The following SLC35D4 variants were observed in gnomAD, a reference collection of about 807,000 sequenced individuals.
SLC35D4 encodes the protein UDP-N-acetylglucosamine transporter SLC35D4.
At chr18:23,295,047 T>C in the SLC35D4 span, among the ~76,000 whole-genome samples, 1 of 152,044 alleles carries the variant, frequency 6.6e-6, no homozygotes, top group East Asian at 1.9e-4. Context: ...GGAAAAGAAC[T>C]GGTCTCCATT....
chr18:23,243,872 CAAAAAAAA>C, the SLC35D4 span, among the ~76,000 whole-genome samples: 4 of 109,882 alleles, frequency 3.6e-5, no homozygotes, highest in African/African-American at 1.2e-4. Context: ...GACTCCGTTT[CAAAAAAAA>C]AAAAAAAAAA....
chr18:23,332,806 C>A, the SLC35D4 span, among the ~76,000 whole-genome samples: 110 of 151,010 alleles, frequency 7.3e-4, 1 homozygote, highest in East Asian at 6.2e-3. Context: ...TTAAATAATT[C>A]TTGCAACATT....
the SLC35D4 span, among the ~76,000 whole-genome samples, chr18:23,311,918 G>A: frequency 6.6e-6 from 1 of 152,006 alleles, no homozygotes; most frequent in South Asian, 2.1e-4. Context: ...GGCCTGGGAC[G>A]GTGCCAATGG....
chr18:23,420,267 C>G, the SLC35D4 span, among the ~76,000 whole-genome samples: 1 of 152,116 alleles, frequency 6.6e-6, no homozygotes, highest in African/African-American at 2.4e-5. Flanking sequence ...TGCGCCATTG[C>G]ACTCCAGCCT....
the SLC35D4 span, among the ~76,000 whole-genome samples, chr18:23,266,234 G>A: frequency 4.6e-5 from 7 of 152,230 alleles, no homozygotes; most frequent in East Asian, 1.4e-3. Context: ...CAGACCGTGC[G>A]GCCTTATGCA....
chr18:23,383,401 C>A, the SLC35D4 span, among the ~76,000 whole-genome samples: 2 of 91,542 alleles, frequency 2.2e-5, no homozygotes, highest in Non-Finnish European at 4.4e-5. Context: ...GGCATGAAGG[C>A]CACGGGGGCC....
chr18:23,363,653 C>G, the SLC35D4 span, among the ~76,000 whole-genome samples: 1 of 152,122 alleles, frequency 6.6e-6, no homozygotes, highest in African/African-American at 2.4e-5. Context: ...GGATTACAGG[C>G]GTGAGTCACC....
At chr18:23,315,509 G>C in the SLC35D4 span, among the ~76,000 whole-genome samples, 1 of 152,198 alleles carries the variant, frequency 6.6e-6, no homozygotes, top group South Asian at 2.1e-4. Context: ...ACGTTCAGGG[G>C]CTAGCAATAG....
chr18:23,408,007 T>TC, the SLC35D4 span, among the ~76,000 whole-genome samples: 4 of 152,182 alleles, frequency 2.6e-5, no homozygotes, highest in African/African-American at 9.7e-5. Context: ...GGCTGCTGTT[T>TC]CCTCTGCCAG....
chr18:23,278,556 A>G, the SLC35D4 span, among the ~76,000 whole-genome samples: 13 of 152,268 alleles, frequency 8.5e-5, no homozygotes, highest in African/African-American at 2.9e-4. Flanking sequence ...ACTGTAACCC[A>G]TCGTTTCTTA....
At chr18:23,373,805 C>T in the SLC35D4 span, 2 of 1,603,130 alleles carry the variant, frequency 1.2e-6, no homozygotes, top group African/African-American at 2.7e-5. Flanking sequence ...CACCTTTCAA[C>T]ATCAAAGGTT....
the SLC35D4 span, among the ~76,000 whole-genome samples, chr18:23,265,993 C>T: frequency 5.2e-4 from 79 of 152,220 alleles, 1 homozygote; most frequent in East Asian, 0.013. Context: ...AAAATAAAAA[C>T]AAGACACAAA....
At chr18:23,305,342 C>T in the SLC35D4 span, among the ~76,000 whole-genome samples, 3 of 152,216 alleles carry the variant, frequency 2.0e-5, no homozygotes, top group African/African-American at 7.2e-5. Flanking sequence ...CATGAGCTTC[C>T]GCCTGTACAT....
chr18:23,291,382 AC>A, the SLC35D4 span, among the ~76,000 whole-genome samples: 4 of 152,228 alleles, frequency 2.6e-5, no homozygotes, highest in Admixed American at 2.6e-4. Flanking sequence ...GTTGCATAAC[AC>A]GCTGTCCCAA....
chr18:23,273,950 T>C, the SLC35D4 span, among the ~76,000 whole-genome samples: 1 of 152,184 alleles, frequency 6.6e-6, no homozygotes, highest in African/African-American at 2.4e-5. Context: ...TTATTTTTTT[T>C]GCGACGAGGT....
the SLC35D4 span, among the ~76,000 whole-genome samples, chr18:23,402,430 C>T: frequency 2.0e-5 from 3 of 152,114 alleles, no homozygotes; most frequent in Admixed American, 6.5e-5. Flanking sequence ...CACACACAAA[C>T]GAAAAGCCTT....
chr18:23,428,807 T>C, the SLC35D4 span, among the ~76,000 whole-genome samples: 3 of 152,140 alleles, frequency 2.0e-5, no homozygotes, highest in Non-Finnish European at 4.4e-5. Flanking sequence ...CAGTACCTAA[T>C]AGGTAGTTTT....
the SLC35D4 span, among the ~76,000 whole-genome samples, chr18:23,344,655 G>A: frequency 6.8e-6 from 1 of 147,182 alleles, no homozygotes; most frequent in Non-Finnish European, 1.5e-5. Flanking sequence ...AGGCTGGAGT[G>A]CAGTGGCGCG....
chr18:23,302,430 G>C, the SLC35D4 span, among the ~76,000 whole-genome samples: 1 of 152,186 alleles, frequency 6.6e-6, no homozygotes, highest in Non-Finnish European at 1.5e-5. Context: ...GGCATCTAGC[G>C]AGTGGGGTTC....
Sources: gnomAD v4.1 joint callset for allele counts (sites outside exome capture counted in the v4.1 genomes callset) on GRCh38, gnomAD v4.1.1 for gene constraint, MANE v1.5 for transcripts, NCBI Gene and HGNC (gene_info 2026-07-23, HGNC 2026-07-21) for gene names.